The following HDGFL3 variants were observed in gnomAD, a reference collection of about 807,000 sequenced individuals.
HDGFL3 encodes the protein HDGF like 3.
In HDGFL3, 6 loss-of-function variants were observed where a neutral mutation model predicts 27.6. The ratio of observed to expected loss-of-function variants is 0.22; its 90% confidence interval spans 0.12 to 0.43. The LOEUF (loss-of-function observed/expected upper bound fraction) is 0.43. Ranked by LOEUF, HDGFL3 falls within the 20% of genes least tolerant of loss-of-function variation. The pLI is 1.00. For synonymous variants in HDGFL3, 88 were observed against 88.9 expected, an observed-to-expected ratio of 0.99 and a Z score of 0.05; for missense variants, 207 against 250.1, an observed-to-expected ratio of 0.83 and a Z score of 1.16.
intron 1 of HDGFL3, among the ~76,000 whole-genome samples, chr15:83,170,407 T>C (rs1175525088): frequency 6.6e-6 from 1 of 152,006 alleles, no homozygotes; most frequent in Non-Finnish European, 1.5e-5. Flanking sequence ...AACCCAGAAA[T>C]AAAGCCATAT....
intron 1 of HDGFL3, among the ~76,000 whole-genome samples, chr15:83,178,379 A>G (rs549702547): frequency 6.6e-6 from 1 of 152,320 alleles, no homozygotes; most frequent in Admixed American, 6.5e-5. Context: ...CAGAGATGAT[A>G]TATTTCACTA....
intron 4 of HDGFL3, among the ~76,000 whole-genome samples, chr15:83,153,767 A>G (rs2036992605): frequency 6.6e-6 from 1 of 152,200 alleles, no homozygotes; most frequent in African/African-American, 2.4e-5. Context: ...ATTTTCCAGT[A>G]TCTGCTATGA....
chr15:83,146,703 A>G (rs1192564619), intron 5 of HDGFL3, among the ~76,000 whole-genome samples: 2 of 152,196 alleles, frequency 1.3e-5, no homozygotes, highest in Admixed American at 6.5e-5. Flanking sequence ...ATGCCTGGAG[A>G]AAAACACACA....
At chr15:83,205,857 T>C (rs1334349734) in intron 1 of HDGFL3, among the ~76,000 whole-genome samples, 1 of 152,232 alleles carries the variant, frequency 6.6e-6, no homozygotes, top group African/African-American at 2.4e-5. Context: ...TAACCAGTTA[T>C]TCTACCTTAA....
At chr15:83,196,073 C>G (rs1387929979) in intron 1 of HDGFL3, among the ~76,000 whole-genome samples, 1 of 151,708 alleles carries the variant, frequency 6.6e-6, no homozygotes, top group East Asian at 1.9e-4. Context: ...AAAAAAGGGA[C>G]AGATATGTAG....
intron 5 of HDGFL3, among the ~76,000 whole-genome samples, chr15:83,145,896 CCTT>C (rs2036882667): frequency 4.0e-5 from 4 of 98,984 alleles, no homozygotes; most frequent in Non-Finnish European, 7.9e-5. Context: ...CTTTCTTCTT[CCTT>C]TTTTTTTTTT....
rs2035330147 is a variant in HDGFL3 at position 83,122,262 on chromosome 15, GGAGT to G, written c.394-6525_394-6522del. ...CCTGTTTTTTTAGAAGGATCTTGAGGGAGTGAGTATGGTGTTTATGGCTATATTT... is the reference window on the plus strand; with the variant it reads ...CCTGTTTTTTTAGAAGGATCTTGAGGGAGTATGGTGTTTATGGCTATATTT... On this transcript the variant is annotated intron_variant, in intron 3 of 3. Coordinates refer to the HDGFL3 transcript ENST00000568294. Among the ~76,000 whole-genome samples, 3 of 152,064 alleles carry G rather than the reference GGAGT, an allele frequency of 2.0e-5. No homozygotes were observed. The South Asian group carries it at 6.2e-4, about 32-fold the overall frequency.
At chr15:83,142,081 A>T (rs1472279443) in intron 5 of HDGFL3, among the ~76,000 whole-genome samples, 1 of 152,242 alleles carries the variant, frequency 6.6e-6, no homozygotes, top group Admixed American at 6.5e-5. Flanking sequence ...GGGAGTGTAA[A>T]TTAGTTCAAC....
intron 1 of HDGFL3, among the ~76,000 whole-genome samples, chr15:83,182,177 GA>G (rs1197560737): frequency 1.3e-5 from 2 of 151,944 alleles, no homozygotes; most frequent in Non-Finnish European, 1.5e-5. Context: ...TAGTAGGCAT[GA>G]AGTAGTATCT....
At chr15:83,124,621 A>T, downstream of HDGFL3, 1 of 1,403,724 alleles carries the variant, frequency 7.1e-7, no homozygotes, top group African/African-American at 1.4e-5. Flanking sequence ...CAGATTTCAG[A>T]TTCTTCTTTG....
At chr15:83,168,317 T>C (rs1010438205) in intron 1 of HDGFL3, among the ~76,000 whole-genome samples, 6 of 152,016 alleles carry the variant, frequency 3.9e-5, no homozygotes, top group Non-Finnish European at 5.9e-5. Flanking sequence ...CAGAGTGGAA[T>C]TGAACGAAAT....
At chr15:83,122,703 A>T in intron 3 of HDGFL3, 1 of 1,591,702 alleles carries the variant, frequency 6.3e-7, no homozygotes, top group Non-Finnish European at 8.5e-7. Context: ...CCTAAATATT[A>T]CTTGTGTTAG....
intron 2 of HDGFL3, among the ~76,000 whole-genome samples, chr15:83,160,273 G>A (rs1368143063): frequency 1.3e-5 from 2 of 151,412 alleles, no homozygotes; most frequent in African/African-American, 4.9e-5. Context: ...TGCAACTTCC[G>A]ACTCCCTGGT....
intron 3 of HDGFL3, among the ~76,000 whole-genome samples, chr15:83,118,343 G>A (rs1364842239): frequency 2.6e-5 from 4 of 152,128 alleles, no homozygotes; most frequent in South Asian, 2.1e-4. Flanking sequence ...GAGTTCAGGC[G>A]AGTTGAAAGG....
rs1206839252 is a variant in HDGFL3, at chr15:83,128,312, T to A, written c.*10958A>T. 6.6e-6 allele frequency: 1 copy of A among 152,210 alleles called. No homozygotes were observed. The highest frequency in any genetic ancestry group is 1.5e-5 in the Non-Finnish European group (1 of 68,028). 9.4% of individuals were successfully genotyped at this position (152,210 alleles called of 1,614,324 possible). On this transcript the variant is annotated 3_prime_UTR_variant, in exon 6 of 6. Coordinates refer to ENST00000299633, the MANE Select transcript of HDGFL3 (RefSeq NM_016073.4). ...AAAAATATAGTATTTAAGGGGTCAA[T>A]GCATTAAATCCTTTCAGTTTGAGGT...
chr15:83,156,827 G>T (rs1596551038), intron 4 of HDGFL3, among the ~76,000 whole-genome samples: 1 of 152,146 alleles, frequency 6.6e-6, no homozygotes, highest in East Asian at 1.9e-4. Context: ...ATGAGTAGCT[G>T]GGACTACAGG....
rs376326140 is a variant in HDGFL3 at position 83,150,285 on chromosome 15, G to C, written c.606+930C>G. Among the ~76,000 whole-genome samples, 18 of 152,306 alleles carry C rather than the reference G, an allele frequency of 1.2e-4. 1 individual carries two copies. The East Asian group carries it at 3.1e-3, about 26-fold the overall frequency. On this transcript the variant is annotated intron_variant, in intron 5 of 5. Transcript: ENST00000299633. ...AGAAAGAAAATCAAGTGAGCCAGGTGTTCAAGTTCTCAGTGACTGTTAGCA... is the reference window on the plus strand; with the variant it reads ...AGAAAGAAAATCAAGTGAGCCAGGTCTTCAAGTTCTCAGTGACTGTTAGCA...
At chr15:83,188,441 G>T (rs892382510) in intron 1 of HDGFL3, among the ~76,000 whole-genome samples, 2 of 152,132 alleles carry the variant, frequency 1.3e-5, no homozygotes, top group Admixed American at 1.3e-4. Context: ...TTTTGGTAGA[G>T]ATGGGGTTTC....
chr15:83,205,898 A>C (rs1236913420), intron 1 of HDGFL3, among the ~76,000 whole-genome samples: 1 of 152,224 alleles, frequency 6.6e-6, no homozygotes, highest in Non-Finnish European at 1.5e-5. Flanking sequence ...GACAATCTAC[A>C]GTTCAGATGC....
Sources: gnomAD v4.1 joint callset for allele counts (sites outside exome capture counted in the v4.1 genomes callset) on GRCh38, gnomAD v4.1.1 for gene constraint, MANE v1.5 for transcripts, NCBI Gene and HGNC (gene_info 2026-07-23, HGNC 2026-07-21) for gene names.